Variants in CES1 observed in about 807,000 individuals in gnomAD.
CES1 encodes the protein liver carboxylesterase 1.
Under a neutral mutation model 53.0 loss-of-function variants are expected in CES1, and 50 were observed. The observed-to-expected ratio is 0.94, with a 90% CI of 0.75 to 1.19. The LOEUF is 1.19. Ranked by LOEUF, CES1 falls within the 50% of genes most tolerant of loss-of-function variation. The pLI, the probability that CES1 is intolerant of heterozygous loss-of-function variation, is 0.00. For synonymous variants in CES1, 202 were observed against 210.1 expected (o/e 0.96, Z 0.33); for missense variants, 534 against 538.0 (o/e 0.99, Z 0.07).
Position 55,810,451 on chromosome 16 carries a change from G to A in CES1, c.1318+66C>T, listed in dbSNP as rs1480414445. ...GTTTCCATGTCTGTCTATGCTGGGA[G>A]GTAGGTGGGTCAGATACAGAAGCTC... On this transcript the variant is annotated intron_variant, in intron 11 of 13. Transcript: ENST00000360526. The A allele has an allele frequency of 4.4e-6, 7 of 1,593,782 alleles. No individual in the cohort carries two copies. The Admixed American group carries it at 1.2e-4, about 27-fold the overall frequency.
At chr16:55,819,075 A>C (rs2142331740) in intron 7 of CES1, among the ~76,000 whole-genome samples, 1 of 152,364 alleles carries the variant, frequency 6.6e-6, no homozygotes, top group Non-Finnish European at 1.5e-5. Context: ...ATGGATGACT[A>C]TCCTAGGATG....
intron 8 of CES1, among the ~76,000 whole-genome samples, chr16:55,813,779 G>A (rs1204071670): frequency 5.9e-5 from 9 of 152,158 alleles, no homozygotes; most frequent in African/African-American, 2.2e-4. Context: ...CGCTACTCTT[G>A]GGTTCGCTCT....
chr16:55,828,776 T>A lies in CES1; in HGVS notation c.251A>T (p.Tyr84Phe). Reference sequence around the variant, plus strand: ...ACATGCCGCAGCTTACATAGGAGGGTACGAGGTGGCATTCTTCACAAAGCT... The same window carrying A: ...ACATGCCGCAGCTTACATAGGAGGGAACGAGGTGGCATTCTTCACAAAGCT... ...PWSFVKNATS[Y>F]PPMCTQDPKA... is the part of the protein sequence containing the mutation. The change falls in exon 2 of 14, where the codon TAC becomes TTC. Residue 84 changes from tyrosine (Y) to phenylalanine (F), a missense_variant. Physicochemically the swap from Tyr to Phe is conservative, Grantham distance 22. This residue lies in a region of CES1 where 164 missense variants were observed against 162.4 expected (regional missense o/e 1.01). Coordinates refer to ENST00000360526, the MANE Select transcript of CES1 (RefSeq NM_001025195.2). The A allele has an allele frequency of 6.2e-7, 1 of 1,614,266 alleles. No individual in the cohort carries two copies. Among genetic ancestry groups the A allele is most frequent in the South Asian group, 1.1e-5 (1 of 91,092 alleles).
intron 8 of CES1, among the ~76,000 whole-genome samples, chr16:55,813,996 T>A (rs546031185): frequency 6.6e-6 from 1 of 152,176 alleles, no homozygotes; most frequent in African/African-American, 2.4e-5. Flanking sequence ...CCACCAGTAT[T>A]GATTTGGGGG....
At chr16:55,830,385 CT>C (rs2032588936) in intron 1 of CES1, among the ~76,000 whole-genome samples, 1 of 152,118 alleles carries the variant, frequency 6.6e-6, no homozygotes, top group East Asian at 1.9e-4. Context: ...TGATTTCCAC[CT>C]TTTCAGCACT....
At chr16:55,827,286 T>TAATAATAATAAG (rs1243457389) in intron 2 of CES1, among the ~76,000 whole-genome samples, 1 of 148,764 alleles carries the variant, frequency 6.7e-6, no homozygotes, top group Non-Finnish European at 1.5e-5. Context: ...ACAATAATAA[T>TAATAATAATAAG]AATAATAATA....
chr16:55,824,192 T>C (rs1374140977), intron 3 of CES1, among the ~76,000 whole-genome samples: 1 of 152,176 alleles, frequency 6.6e-6, no homozygotes, highest in East Asian at 1.9e-4. Flanking sequence ...TCCTTATGCC[T>C]CTGCATCCCC....
intron 7 of CES1, among the ~76,000 whole-genome samples, chr16:55,817,570 T>C (rs2031995043): frequency 6.6e-6 from 1 of 152,230 alleles, no homozygotes; most frequent in South Asian, 2.1e-4. Flanking sequence ...TGTTGCACTG[T>C]AGTTCCCAGA....
chr16:55,832,576 C>G lies in CES1; in HGVS notation c.52+428G>C, dbSNP rs540191368. 1.2e-4 allele frequency among the ~76,000 whole-genome samples: 19 copies of G among 152,344 alleles called. No individual in the cohort carries two copies. The South Asian group carries it at 3.9e-3, about 32-fold the overall frequency. ...ACCCAAGCACGGAATAGCGCAGTCC[C>G]TTGCCTAAGGACACACAGCGAGGAA... On this transcript the variant is annotated intron_variant, in intron 1 of 13. Coordinates refer to ENST00000360526, the MANE Select transcript of CES1 (RefSeq NM_001025195.2).
At chr16:55,821,710 C>T (rs369703363) in intron 4 of CES1, among the ~76,000 whole-genome samples, 189 bp from the exon 5 acceptor site, 3 of 152,190 alleles carry the variant, frequency 2.0e-5, no homozygotes, top group African/African-American at 7.2e-5. Flanking sequence ...CAACTGGCAA[C>T]TATTTACTGA....
intron 3 of CES1, among the ~76,000 whole-genome samples, chr16:55,823,968 T>C (rs2032319250): frequency 6.6e-6 from 1 of 152,268 alleles, no homozygotes; most frequent in African/African-American, 2.4e-5. Context: ...AACATCATCA[T>C]GGGCATAGCA....
chr16:55,816,843 AT>A, intron 8 of CES1, 80 bp downstream of exon 8: 5 of 1,468,398 alleles, frequency 3.4e-6, no homozygotes, highest in Non-Finnish European at 4.8e-6. Flanking sequence ...TACCCAAGAG[AT>A]GATTCTTTCA....
At chr16:55,821,290 CT>C (rs2032179016) in intron 5 of CES1, 77 bp downstream of exon 5, 2 of 1,553,972 alleles carry the variant, frequency 1.3e-6, no homozygotes, top group Non-Finnish European at 1.8e-6. Context: ...GTATCCATAG[CT>C]GGATTGACAG....
intron 3 of CES1, among the ~76,000 whole-genome samples, 181 bp downstream of exon 3, chr16:55,825,970 T>C (rs577371400): frequency 6.6e-6 from 1 of 152,244 alleles, no homozygotes; most frequent in East Asian, 1.9e-4. Flanking sequence ...AGAGTGCCTA[T>C]GTCACGAGGG....
intron 4 of CES1, among the ~76,000 whole-genome samples, chr16:55,822,204 A>T (rs1322925821): frequency 6.6e-6 from 1 of 152,270 alleles, no homozygotes; most frequent in African/African-American, 2.4e-5. Flanking sequence ...GGTTTTGTGC[A>T]GAGGCATCGC....
intron 11 of CES1, among the ~76,000 whole-genome samples, chr16:55,808,808 T>A (rs1217654608): frequency 6.6e-6 from 1 of 152,132 alleles, no homozygotes; most frequent in Non-Finnish European, 1.5e-5. Flanking sequence ...TGTATCAACA[T>A]TGAGAAAATC....
At chr16:55,815,359 C>G (rs557428780) in intron 8 of CES1, among the ~76,000 whole-genome samples, 1 of 152,140 alleles carries the variant, frequency 6.6e-6, no homozygotes, top group African/African-American at 2.4e-5. Context: ...TTAAGGAAGG[C>G]CAGTCTGGCT....
At chr16:55,829,642 G>C (rs1327260531) in intron 1 of CES1, among the ~76,000 whole-genome samples, 4 of 152,250 alleles carry the variant, frequency 2.6e-5, no homozygotes, top group African/African-American at 9.6e-5. Context: ...ACATGCACCA[G>C]GTGGAGTCTG....
chr16:55,821,710 C>G (rs369703363), intron 4 of CES1, among the ~76,000 whole-genome samples, 189 bp from the exon 5 acceptor site: 1 of 152,190 alleles, frequency 6.6e-6, no homozygotes, highest in East Asian at 1.9e-4. Flanking sequence ...CAACTGGCAA[C>G]TATTTACTGA....
Sources: allele counts gnomAD v4.1 joint callset (sites outside exome capture counted in the v4.1 genomes callset), GRCh38; gene constraint gnomAD v4.1.1; regional missense constraint gnomAD v4.1.1; transcripts MANE v1.5; gene names NCBI Gene and HGNC (gene_info 2026-07-23, HGNC 2026-07-21).